CWH43: variants seen among roughly 807,000 people sequenced by gnomAD.
CWH43 encodes PGAP2-interacting protein.
A neutral mutation model predicts 85.7 loss-of-function variants in CWH43; 91 were observed. The ratio of observed to expected loss-of-function variants is 1.06; its 90% CI spans 0.90 to 1.26. The LOEUF is 1.26. Ranked by LOEUF, CWH43 falls within the 50% of genes most tolerant of loss-of-function variation. The pLI, the probability that CWH43 is intolerant of heterozygous loss-of-function variation, is 0.00. For synonymous variants in CWH43, 323 were observed against 293.6 expected, an observed-to-expected ratio of 1.10 and a Z score of -1.02; for missense variants, 869 against 839.2, an observed-to-expected ratio of 1.04 and a Z score of -0.44.
At chr4:49,051,389 G>T (rs1784793449) in intron 15 of CWH43, among the ~76,000 whole-genome samples, 1 of 152,084 alleles carries the variant, frequency 6.6e-6, no homozygotes, top group African/African-American at 2.4e-5. Context: ...AGATTCACCT[G>T]GACAGCTTTT....
intron 9 of CWH43, among the ~76,000 whole-genome samples, chr4:49,019,910 T>C (rs1451461775): frequency 6.6e-6 from 1 of 152,114 alleles, no homozygotes. Context: ...AGGTGGTTTT[T>C]GGTTATGTGG....
chr4:49,060,089 T>C (rs1386121238), intron 15 of CWH43, among the ~76,000 whole-genome samples: 1 of 151,966 alleles, frequency 6.6e-6, no homozygotes, highest in Non-Finnish European at 1.5e-5. Context: ...CTCGGGTGGG[T>C]TAAAGCCTGG....
At chr4:49,027,146 G>C (rs1416019226) in intron 9 of CWH43, among the ~76,000 whole-genome samples, 1 of 152,184 alleles carries the variant, frequency 6.6e-6, no homozygotes, top group African/African-American at 2.4e-5. Context: ...AAGTTCTGAG[G>C]CTTCTTCAGC....
At chr4:49,027,075 G>A (rs1783939570) in intron 9 of CWH43, among the ~76,000 whole-genome samples, 1 of 152,242 alleles carries the variant, frequency 6.6e-6, no homozygotes, top group Non-Finnish European at 1.5e-5. Context: ...AATGATATAT[G>A]TCAATTTGGC....
At chr4:49,053,479 A>G (rs992570455) in intron 15 of CWH43, among the ~76,000 whole-genome samples, 9 of 152,128 alleles carry the variant, frequency 5.9e-5, no homozygotes, top group East Asian at 3.8e-4. Context: ...TTTTGGTACT[A>G]GCCATTTTAA....
chr4:49,039,452 A>G (rs1460618860), intron 13 of CWH43, among the ~76,000 whole-genome samples: 1 of 141,390 alleles, frequency 7.1e-6, no homozygotes, highest in Non-Finnish European at 1.5e-5. Flanking sequence ...TATATATACT[A>G]TAATGCCAAA....
intron 6 of CWH43, among the ~76,000 whole-genome samples, chr4:49,000,813 T>C (rs986952220): frequency 1.4e-5 from 2 of 144,900 alleles, no homozygotes; most frequent in African/African-American, 4.9e-5. Flanking sequence ...GTTGTCTCTC[T>C]GGAGTATTAA....
intron 10 of CWH43, among the ~76,000 whole-genome samples, chr4:49,029,968 T>A (rs1240713807): frequency 2.0e-5 from 3 of 152,218 alleles, no homozygotes; most frequent in Non-Finnish European, 4.4e-5. Flanking sequence ...GTCCTCTGTA[T>A]GCTGAGCACC....
At chr4:49,020,416 C>CACACACACACACACATATAT (rs140534523) in intron 9 of CWH43, among the ~76,000 whole-genome samples, 225 of 128,386 alleles carry the variant, frequency 1.8e-3, no homozygotes, top group Middle Eastern at 4.4e-3. Context: ...CACACACACA[C>CACACACACACACACATATAT]ATATATATAT....
chr4:48,986,889 G>A (rs1782513126), intron 1 of CWH43: 1 of 861,678 alleles, frequency 1.2e-6, no homozygotes, highest in Non-Finnish European at 1.4e-6. Flanking sequence ...GTTTTCCCCA[G>A]GAGCTGTAGG....
At position 48,991,541 on chromosome 4, in the gene CWH43, C is replaced by G; in HGVS notation, c.323C>G (p.Ala108Gly). Reference sequence around the variant, plus strand: ...GTGTCTTCCTCACTGATAGTGCAAGCTGTGACTTGGTGGTCAGGAAGTCAT... The same window carrying G: ...GTGTCTTCCTCACTGATAGTGCAAGGTGTGACTTGGTGGTCAGGAAGTCAT... The part of the protein sequence containing the change: ...LGVSSSLIVQ[A>G]VTWWSGSHLQ... The change falls in exon 3 of 16, where the codon GCT (alanine) becomes GGT (glycine). Residue 108 changes from alanine to glycine, a missense_variant. Coordinates refer to ENST00000226432, the MANE Select transcript of CWH43 (RefSeq NM_025087.3). The G allele has an allele frequency of 6.2e-7, 1 of 1,614,076 alleles. No homozygotes were observed. Among genetic ancestry groups the G allele is most frequent in the African/African-American group, 1.3e-5 (1 of 75,024 alleles).
rs1408934659 is a variant in CWH43 at position 48,988,580 on chromosome 4, T to C, written c.147T>C (p.Phe49=). 6.2e-7 allele frequency: 1 copy of C among 1,613,508 alleles called. No homozygotes were observed. The highest frequency in any genetic ancestry group is 1.3e-5 in the African/African-American group (1 of 74,916). ...LTGLEGFSIA[F]LSPIFLTITP... is the part of the protein sequence containing the mutation. ...GGCTTGAAGGTTTTAGTATAGCATT[T>C]CTTTCTCCAATATTCCTAACAATTA... is the stretch of plus-strand genomic sequence containing the variant. Residue 49 remains phenylalanine (F), a synonymous_variant, in exon 2 of 16, where the codon TTT becomes TTC. Coordinates refer to ENST00000226432, the MANE Select transcript of CWH43 (RefSeq NM_025087.3).
At chr4:49,053,257 G>A (rs1784853266) in intron 15 of CWH43, among the ~76,000 whole-genome samples, 1 of 152,168 alleles carries the variant, frequency 6.6e-6, no homozygotes, top group South Asian at 2.1e-4. Context: ...GTGAATGTAG[G>A]AGTACAGATA....
Position 48,991,457 on chromosome 4 carries a change from G to A in CWH43, c.239G>A (p.Ser80Asn). ...GCTCTCCCTATTTTGTTTGTAGGCA[G>A]CATAGCCTCCTTCCAGGCTCCAAAT... is the stretch of plus-strand genomic sequence containing the variant. ...LTLLRIITIGSIASFQAPNAK... is the reference protein window; with the variant it reads ...LTLLRIITIGNIASFQAPNAK... The change falls in exon 3 of 16, where the codon AGC becomes AAC. Residue 80 changes from serine to asparagine, a missense_variant. Physicochemically the swap from Ser to Asn is conservative, Grantham distance 46. Coordinates refer to ENST00000226432, the MANE Select transcript of CWH43 (RefSeq NM_025087.3). 3.1e-6 allele frequency: 5 copies of A among 1,614,016 alleles called. No individual in the cohort carries two copies. The highest frequency in any genetic ancestry group is 4.2e-6 in the Non-Finnish European group (5 of 1,179,944).
At chr4:49,039,306 GATATATAT>G (rs71600797) in intron 13 of CWH43, among the ~76,000 whole-genome samples, 51 of 4,602 alleles carry the variant, frequency 0.011, 14 homozygotes, top group East Asian at 0.054. Flanking sequence ...TCAGGAGACT[GATATATAT>G]ATATATATAT....
At chr4:49,051,485 T>C (rs1340319847) in intron 15 of CWH43, among the ~76,000 whole-genome samples, 1 of 152,208 alleles carries the variant, frequency 6.6e-6, no homozygotes, top group Admixed American at 6.5e-5. Flanking sequence ...TTTAAAAAAT[T>C]ATTTCCAGGT....
chr4:49,006,369 G>T (rs1422090418), intron 7 of CWH43, among the ~76,000 whole-genome samples: 1 of 151,980 alleles, frequency 6.6e-6, no homozygotes, highest in Admixed American at 6.6e-5. Flanking sequence ...ATTTGATGAG[G>T]CCACAAAAGC....
At chr4:48,988,972 A>G (rs7693841) in intron 2 of CWH43, among the ~76,000 whole-genome samples, 1 of 152,204 alleles carries the variant, frequency 6.6e-6, no homozygotes, top group African/African-American at 2.4e-5. Context: ...CAACTGTGAC[A>G]TAACACTCAG....
At chr4:49,037,776 G>C (rs1784304946) in intron 12 of CWH43, among the ~76,000 whole-genome samples, 2 of 152,148 alleles carry the variant, frequency 1.3e-5, no homozygotes, top group South Asian at 4.2e-4. Context: ...GCTGTATTTA[G>C]AGTAGATCTT....
Sources: gnomAD v4.1 joint callset for allele counts (sites outside exome capture counted in the v4.1 genomes callset) on GRCh38, gnomAD v4.1.1 for gene constraint, MANE v1.5 for transcripts, NCBI Gene and HGNC (gene_info 2026-07-23, HGNC 2026-07-21) for gene names.